RBM46: variants seen among roughly 807,000 people sequenced by gnomAD.
RBM46 encodes probable RNA-binding protein 46.
A neutral mutation model predicts 43.3 loss-of-function variants in RBM46; 12 were observed. The ratio of observed to expected loss-of-function variants is 0.28; its 90% CI spans 0.18 to 0.45. RBM46 has a LOEUF of 0.45. RBM46 is among the 20% of genes least tolerant of loss of function. The pLI is 1.00. For synonymous variants in RBM46, 205 were observed against 207.6 expected, an observed-to-expected ratio of 0.99 and a Z score of 0.11; for missense variants, 412 against 639.1, an observed-to-expected ratio of 0.64 and a Z score of 3.83.
At chr4:154,800,821 A>G (rs1734598188) in intron 4 of RBM46, among the ~76,000 whole-genome samples, 1 of 152,182 alleles carries the variant, frequency 6.6e-6, no homozygotes, top group African/African-American at 2.4e-5. Context: ...TTGCAGAACC[A>G]TAGTACAGAA....
At chr4:154,815,728 A>G (rs1735404804) in intron 4 of RBM46, among the ~76,000 whole-genome samples, 1 of 151,904 alleles carries the variant, frequency 6.6e-6, no homozygotes, top group South Asian at 2.1e-4. Context: ...GTTCTACTCT[A>G]TGACTTACCT....
chr4:154,825,596 T>C (rs185917125), intron 4 of RBM46, among the ~76,000 whole-genome samples: 1 of 152,348 alleles, frequency 6.6e-6, no homozygotes, highest in East Asian at 1.9e-4. Context: ...ACTTTTAATT[T>C]TGTATTTAAT....
At chr4:154,819,710 A>G (rs1735637592) in intron 4 of RBM46, among the ~76,000 whole-genome samples, 1 of 152,074 alleles carries the variant, frequency 6.6e-6, no homozygotes, top group East Asian at 1.9e-4. Context: ...GAAATTTTTC[A>G]TTTGTTTATA....
At chr4:154,826,924 C>A (rs1267964693) in intron 4 of RBM46, 5 of 1,321,254 alleles carry the variant, frequency 3.8e-6, no homozygotes, top group African/African-American at 1.5e-5. Flanking sequence ...CTTACCTGTA[C>A]ATTAGATGAC....
At position 154,797,757 on chromosome 4, in the gene RBM46, G is replaced by T. The variant is rs944026790; in HGVS notation, c.152-54G>T. ...TGTTGAATGAATATATGATTGAATA[G>T]TGAGTACAAATATCCAATTAGAATT... is the stretch of plus-strand genomic sequence containing the variant. On this transcript the variant is annotated intron_variant, in intron 2 of 4. Transcript: ENST00000281722. The T allele has an allele frequency of 2.6e-5, 31 of 1,192,750 alleles. No homozygotes were observed. In the South Asian group the frequency reaches 4.8e-4, roughly 18 times the overall value. The allele number at this position is 1,192,750 out of a possible 1,614,324, so 73.9% of individuals were successfully genotyped here.
At chr4:154,820,448 CTT>C (rs1410062350) in intron 4 of RBM46, 47 of 1,281,138 alleles carry the variant, frequency 3.7e-5, no homozygotes, top group Non-Finnish European at 5.0e-5. Flanking sequence ...GTAAAACTCT[CTT>C]AGGAATATTA....
chr4:154,802,405 G>T (rs550538593), intron 4 of RBM46, among the ~76,000 whole-genome samples: 7 of 152,318 alleles, frequency 4.6e-5, no homozygotes, highest in Admixed American at 1.3e-4. Flanking sequence ...GTTAAGAGTA[G>T]ATCTGAGTGT....
chr4:154,796,654 C>G lies in RBM46; in HGVS notation c.-11-88C>G, dbSNP rs547886906. ...AATCAAACATGCCAGCCACAACTGTCTTTGTTTTTCTGCAACCCAAAGAAA... is the reference window on the plus strand; with the variant it reads ...AATCAAACATGCCAGCCACAACTGTGTTTGTTTTTCTGCAACCCAAAGAAA... On this transcript the variant is annotated intron_variant, in intron 1 of 4. Coordinates refer to ENST00000281722, the MANE Select transcript of RBM46 (RefSeq NM_144979.5). The G allele has an allele frequency of 1.3e-4, 112 of 885,700 alleles. 3 individuals are homozygous for G. The South Asian group carries it at 2.0e-3, about 16-fold the overall frequency. 54.9% of individuals were successfully genotyped at this position (885,700 alleles called of 1,614,324 possible).
At chr4:154,822,707 T>G (rs534395699) in intron 4 of RBM46, among the ~76,000 whole-genome samples, 2 of 151,700 alleles carry the variant, frequency 1.3e-5, no homozygotes, top group Admixed American at 1.3e-4. Flanking sequence ...TTTAAAAAAA[T>G]TTCAATACAG....
intron 1 of RBM46, among the ~76,000 whole-genome samples, chr4:154,785,226 T>C (rs982300670): frequency 2.0e-5 from 3 of 152,116 alleles, no homozygotes; most frequent in African/African-American, 7.2e-5. Context: ...AGTCATTATC[T>C]AGTAAAAGGA....
At chr4:154,812,454 C>G (rs1366397771) in intron 4 of RBM46, among the ~76,000 whole-genome samples, 1 of 152,098 alleles carries the variant, frequency 6.6e-6, no homozygotes, top group Non-Finnish European at 1.5e-5. Flanking sequence ...GCATTGCCAG[C>G]CAATGAATGG....
Position 154,800,152 on chromosome 4 carries a change from GT to G in RBM46, c.1402+595del, listed in dbSNP as rs1351465974. Among the ~76,000 whole-genome samples, 26 of 152,022 alleles carry G rather than the reference GT, an allele frequency of 1.7e-4. No homozygotes were observed. The South Asian group carries it at 5.0e-3, about 29-fold the overall frequency. On this transcript the variant is annotated intron_variant, in intron 4 of 4. Coordinates refer to ENST00000281722, the MANE Select transcript of RBM46 (RefSeq NM_144979.5). ...CATAACCCTGTTTTATTAATTTATT[GT>G]TTTTTTAATGACTAATTCTCAGTTG...
intron 3 of RBM46, 24 bp from the exon 4 acceptor site, chr4:154,798,758 C>A: frequency 7.3e-7 from 1 of 1,368,498 alleles, no homozygotes; most frequent in South Asian, 1.7e-5. Flanking sequence ...TAATTCTCTT[C>A]AAATTATTAT....
At chr4:154,817,950 A>C (rs1735536733) in intron 4 of RBM46, among the ~76,000 whole-genome samples, 1 of 152,072 alleles carries the variant, frequency 6.6e-6, no homozygotes, top group South Asian at 2.1e-4. Context: ...AACTTACTGA[A>C]GTCTAATATT....
chr4:154,825,020 A>G (rs1036443715), intron 4 of RBM46, among the ~76,000 whole-genome samples: 2 of 152,250 alleles, frequency 1.3e-5, no homozygotes, highest in African/African-American at 2.4e-5. Flanking sequence ...ATTTTATTTT[A>G]TATAAATTGT....
At chr4:154,789,812 T>A (rs1390432524) in intron 1 of RBM46, among the ~76,000 whole-genome samples, 1 of 152,154 alleles carries the variant, frequency 6.6e-6, no homozygotes, top group African/African-American at 2.4e-5. Flanking sequence ...CCTGGACTTT[T>A]TTTGGTTGGT....
chr4:154,821,550 A>G lies in RBM46; in HGVS notation c.1403-6318A>G, dbSNP rs148832595. ...TATAATTATCTCTTAATACAAAGGT[A>G]GCAAACTAGAAGATCTAGATGTATT... On this transcript the variant is annotated intron_variant, in intron 4 of 4. Coordinates refer to ENST00000281722, the MANE Select transcript of RBM46 (RefSeq NM_144979.5). 2.4e-3 allele frequency among the ~76,000 whole-genome samples: 367 copies of G among 151,942 alleles called. 1 individual carries two copies. Among genetic ancestry groups the G allele is most frequent in the African/African-American group, 8.5e-3 (353 of 41,572 alleles).
intron 1 of RBM46, among the ~76,000 whole-genome samples, chr4:154,794,147 C>T (rs1181223005): frequency 6.7e-6 from 1 of 150,332 alleles, no homozygotes; most frequent in Non-Finnish European, 1.5e-5. Flanking sequence ...ATGCCACCAT[C>T]ATCTCTTGCC....
chr4:154,798,661 T>C, intron 3 of RBM46, 121 bp from the exon 4 acceptor site: 2 of 773,870 alleles, frequency 2.6e-6, no homozygotes, highest in Non-Finnish European at 3.7e-6. Context: ...AAACAAATGC[T>C]TAACCAAATT....
Sources: gnomAD v4.1 joint callset for allele counts (sites outside exome capture counted in the v4.1 genomes callset) on GRCh38, gnomAD v4.1.1 for gene constraint, MANE v1.5 for transcripts, NCBI Gene and HGNC (gene_info 2026-07-23, HGNC 2026-07-21) for gene names.